The following ORC4 variants were observed in gnomAD, a reference collection of about 807,000 sequenced individuals.
ORC4 encodes origin recognition complex subunit 4.
A neutral mutation model predicts 63.9 loss-of-function variants in ORC4; 55 were observed. That is an observed-to-expected ratio of 0.86 (90% CI 0.69 to 1.08). The LOEUF is 1.08. ORC4 is among the 50% of genes least tolerant of loss of function. ORC4 has a pLI of 0.00. For synonymous variants in ORC4, 150 were observed against 168.5 expected (o/e 0.89, Z 0.85); for missense variants, 511 against 504.4 (o/e 1.01, Z -0.13).
chr2:147,938,621 T>C (rs1354545553), intron 11 of ORC4: 2 of 487,746 alleles, frequency 4.1e-6, no homozygotes, highest in African/African-American at 1.9e-5. Context: ...TTTAAACTTT[T>C]AGAAATGTCA....
intron 1 of ORC4, among the ~76,000 whole-genome samples, chr2:148,017,314 A>G (rs1251081690): frequency 6.6e-6 from 1 of 152,252 alleles, no homozygotes; most frequent in Non-Finnish European, 1.5e-5. Flanking sequence ...TGTTTATACA[A>G]CATTACAATG....
intron 4 of ORC4, among the ~76,000 whole-genome samples, chr2:147,964,327 A>C (rs1418726756): frequency 2.0e-5 from 3 of 152,168 alleles, no homozygotes; most frequent in Non-Finnish European, 4.4e-5. Context: ...TACAACTGAG[A>C]CCTTCAATAA....
rs750371084 is a variant in ORC4 at position 147,935,646 on chromosome 2, G to A, written c.1175C>T (p.Ser392Leu). 12 of 1,613,528 alleles carry A rather than the reference G, an allele frequency of 7.4e-6. No individual in the cohort carries two copies. The highest frequency in any genetic ancestry group is 4.0e-5 in the African/African-American group (3 of 74,996). Residue 392 changes from serine to leucine, a missense_variant, in exon 14 of 14, where the codon TCA becomes TTA. Physicochemically the swap from Ser to Leu is moderately radical, Grantham distance 145. Transcript: ENST00000392857. Reference sequence around the variant, plus strand: ...CTGGTACTCTCTCTGTGAATTTCCTGAAGTTCTTTCCATGGGCTTTATTAA... The same window carrying A: ...CTGGTACTCTCTCTGTGAATTTCCTAAAGTTCTTTCCATGGGCTTTATTAA... Reference protein sequence around the residue: ...LELIKPMERTSGNSQREYQLM... With the variant: ...LELIKPMERTLGNSQREYQLM...
chr2:147,932,380 C>T lies in ORC4; in HGVS notation c.*3130G>A, dbSNP rs183732145. ...AATATTGTGAAAATGGCCATACTGC[C>T]CAAGGTAATTTACAGATTCAATGCC... On this transcript the variant is annotated 3_prime_UTR_variant, in exon 14 of 14. Coordinates refer to ENST00000392857, the MANE Select transcript of ORC4 (RefSeq NM_181741.4). 3 of 151,998 alleles carry T rather than the reference C, an allele frequency of 2.0e-5. No homozygotes were observed. Among genetic ancestry groups the T allele is most frequent in the African/African-American group, 7.3e-5 (3 of 41,362 alleles). 9.4% of individuals were successfully genotyped at this position (151,998 alleles called of 1,614,324 possible).
At chr2:147,975,311 G>A (rs1436644474) in intron 2 of ORC4, among the ~76,000 whole-genome samples, 1 of 151,914 alleles carries the variant, frequency 6.6e-6, no homozygotes, top group Non-Finnish European at 1.5e-5. Context: ...AACAGATGAG[G>A]AAACGTAACG....
chr2:147,936,303 C>T (rs144849713), intron 13 of ORC4: 28 of 153,240 alleles, frequency 1.8e-4, no homozygotes, highest in Non-Finnish European at 3.6e-4. Flanking sequence ...TCACAACCTT[C>T]TTCCATCTTC....
At chr2:147,981,109 A>G (rs1325724677) in intron 1 of ORC4, among the ~76,000 whole-genome samples, 1 of 152,230 alleles carries the variant, frequency 6.6e-6, no homozygotes, top group African/African-American at 2.4e-5. Flanking sequence ...AGCTGAAATA[A>G]GCCAGGCACA....
chr2:147,972,604 A>C (rs1283649305), intron 4 of ORC4, 135 bp downstream of exon 4: 2 of 490,712 alleles, frequency 4.1e-6, no homozygotes, highest in African/African-American at 4.1e-5. Context: ...AAAAAACAAA[A>C]AAGTAAAACA....
chr2:147,954,450 TG>T (rs1399957357), intron 7 of ORC4, among the ~76,000 whole-genome samples: 1 of 152,158 alleles, frequency 6.6e-6, no homozygotes, highest in Non-Finnish European at 1.5e-5. Context: ...TATGAACCTA[TG>T]AGCATGTGAT....
intron 1 of ORC4, among the ~76,000 whole-genome samples, chr2:147,999,159 G>A (rs1692151058): frequency 6.6e-6 from 1 of 152,130 alleles, no homozygotes; most frequent in Non-Finnish European, 1.5e-5. Flanking sequence ...TAAAAGACTT[G>A]CAGTGCTAAC....
chr2:147,966,363 G>C (rs1689893316), intron 4 of ORC4, among the ~76,000 whole-genome samples: 2 of 151,746 alleles, frequency 1.3e-5, no homozygotes, highest in African/African-American at 4.8e-5. Context: ...AGCTAGAAAA[G>C]AACAAACCAA....
chr2:147,968,383 A>G (rs780561142), intron 4 of ORC4, among the ~76,000 whole-genome samples: 12 of 152,142 alleles, frequency 7.9e-5, no homozygotes, highest in Non-Finnish European at 1.5e-4. Context: ...AAATATCTGC[A>G]AAGTATTCAT....
intron 1 of ORC4, among the ~76,000 whole-genome samples, chr2:147,985,617 C>G (rs985460156): frequency 2.6e-5 from 4 of 152,170 alleles, no homozygotes; most frequent in Non-Finnish European, 4.4e-5. Context: ...AGAAATAGAA[C>G]ATAAAAGCCC....
chr2:147,962,758 C>CA (rs943273603), intron 4 of ORC4, among the ~76,000 whole-genome samples: 15 of 152,192 alleles, frequency 9.9e-5, no homozygotes, highest in African/African-American at 3.6e-4. Flanking sequence ...GCTATGCACC[C>CA]ACACTCAGAA....
intron 1 of ORC4, among the ~76,000 whole-genome samples, chr2:148,016,256 G>A (rs1038457070): frequency 3.9e-5 from 6 of 152,122 alleles, no homozygotes; most frequent in Non-Finnish European, 7.4e-5. Context: ...TGGCTGGACC[G>A]CGAAGAAGCT....
chr2:147,974,894 A>G (rs922495195), intron 2 of ORC4, among the ~76,000 whole-genome samples: 1 of 152,080 alleles, frequency 6.6e-6, no homozygotes, highest in East Asian at 1.9e-4. Flanking sequence ...AGATAAAGCT[A>G]CAGTGACTAG....
At chr2:147,989,175 T>A (rs1225218983) in intron 1 of ORC4, among the ~76,000 whole-genome samples, 1 of 152,058 alleles carries the variant, frequency 6.6e-6, no homozygotes, top group Non-Finnish European at 1.5e-5. Flanking sequence ...AGTAGATTTT[T>A]AAAGAGAAAA....
intron 1 of ORC4, among the ~76,000 whole-genome samples, chr2:147,993,244 T>A (rs1691733026): frequency 6.6e-6 from 1 of 152,200 alleles, no homozygotes; most frequent in Non-Finnish European, 1.5e-5. Context: ...AATCTGCCTT[T>A]TTTCAGCTGA....
At chr2:148,019,297 G>A (rs1032128292) in intron 1 of ORC4, among the ~76,000 whole-genome samples, 1 of 152,132 alleles carries the variant, frequency 6.6e-6, no homozygotes, top group Non-Finnish European at 1.5e-5. Context: ...TACACCTAAA[G>A]AACCTACACC....
Sources: gnomAD v4.1 joint callset for allele counts (sites outside exome capture counted in the v4.1 genomes callset) on GRCh38, gnomAD v4.1.1 for gene constraint, MANE v1.5 for transcripts, NCBI Gene and HGNC (gene_info 2026-07-23, HGNC 2026-07-21) for gene names.